The following GMDS variants were observed in gnomAD, a reference collection of about 807,000 sequenced individuals.
GMDS encodes GDP-mannose 4,6 dehydratase.
Under a neutral mutation model 49.9 loss-of-function variants are expected in GMDS, and 20 were observed. The ratio of observed to expected loss-of-function variants is 0.40; its 90% CI spans 0.28 to 0.58. The LOEUF (loss-of-function observed/expected upper bound fraction) is 0.58, where lower values mean the gene tolerates loss of function less well. GMDS is among the 20% of genes least tolerant of loss of function. GMDS has a pLI of 0.42. For synonymous variants in GMDS, 177 were observed against 178.6 expected, an observed-to-expected ratio of 0.99 and a Z score of 0.07; for missense variants, 362 against 481.4, an observed-to-expected ratio of 0.75 and a Z score of 2.32.
At chr6:2,100,979 CTA>C (rs1491338887) in intron 4 of GMDS, among the ~76,000 whole-genome samples, 1 of 151,676 alleles carries the variant, frequency 6.6e-6, no homozygotes, top group African/African-American at 2.4e-5. Flanking sequence ...CTGTTAACTT[CTA>C]TGTTATTATG....
At chr6:2,122,799 G>A (rs1397840682) in intron 2 of GMDS, among the ~76,000 whole-genome samples, 1 of 152,166 alleles carries the variant, frequency 6.6e-6, no homozygotes, top group Non-Finnish European at 1.5e-5. Flanking sequence ...ATGCTTTGTG[G>A]CTGTGTACTT....
intron 4 of GMDS, among the ~76,000 whole-genome samples, chr6:2,100,470 T>C (rs1020084243): frequency 3.9e-5 from 6 of 152,080 alleles, no homozygotes; most frequent in African/African-American, 1.4e-4. Flanking sequence ...TTCAATAAGA[T>C]ACCTCTATAT....
chr6:1,852,844 T>C (rs1757749890), intron 7 of GMDS, among the ~76,000 whole-genome samples: 1 of 151,890 alleles, frequency 6.6e-6, no homozygotes, highest in South Asian at 2.1e-4. Context: ...GTAGCTGGGA[T>C]TTCAGGCATG....
intron 10 of GMDS, 40 bp from the exon 11 acceptor site, chr6:1,624,271 ACT>A (rs1299672222): frequency 6.3e-7 from 1 of 1,581,060 alleles, no homozygotes; most frequent in African/African-American, 1.3e-5. Flanking sequence ...AGCTTCTGCC[ACT>A]CTCTCCTGGT....
chr6:1,800,453 T>C (rs1401677758), intron 7 of GMDS, among the ~76,000 whole-genome samples: 1 of 152,142 alleles, frequency 6.6e-6, no homozygotes, highest in Non-Finnish European at 1.5e-5. Context: ...TTTTCTTTTT[T>C]TGAGATGGAG....
chr6:1,972,170 T>TA (rs1764649105), intron 4 of GMDS, among the ~76,000 whole-genome samples: 2 of 151,942 alleles, frequency 1.3e-5, no homozygotes, highest in East Asian at 1.9e-4. Flanking sequence ...CTTTTTCAAT[T>TA]AAAAAATATA....
At chr6:2,124,876 T>C in intron 1 of GMDS, 145 bp from the exon 2 acceptor site, 1 of 653,102 alleles carries the variant, frequency 1.5e-6, no homozygotes, top group South Asian at 1.8e-5. Flanking sequence ...ACCAATAATG[T>C]CAATAAATAC....
intron 4 of GMDS, among the ~76,000 whole-genome samples, chr6:2,056,323 G>T (rs1247518327): frequency 3.3e-5 from 5 of 152,278 alleles, no homozygotes; most frequent in African/African-American, 1.2e-4. Context: ...AGTAAGGCAG[G>T]ATTCAAAGAC....
chr6:1,925,088 G>C (rs1761928300), intron 7 of GMDS, among the ~76,000 whole-genome samples: 1 of 152,010 alleles, frequency 6.6e-6, no homozygotes, highest in South Asian at 2.1e-4. Flanking sequence ...ACTAATTTTT[G>C]TTCAAAATGC....
chr6:1,967,850 T>C (rs1764357328), intron 4 of GMDS, among the ~76,000 whole-genome samples: 1 of 152,230 alleles, frequency 6.6e-6, no homozygotes, highest in Admixed American at 6.5e-5. Context: ...ATTGTCCACA[T>C]TTATTTGTGA....
intron 9 of GMDS, among the ~76,000 whole-genome samples, chr6:1,690,300 C>T (rs986939391): frequency 2.0e-5 from 3 of 152,114 alleles, no homozygotes; most frequent in South Asian, 2.1e-4. Flanking sequence ...AATCTTTGCC[C>T]GTGCCTATGT....
chr6:1,759,917 C>T (rs1279499535), intron 7 of GMDS, among the ~76,000 whole-genome samples: 1 of 151,596 alleles, frequency 6.6e-6, no homozygotes, highest in African/African-American at 2.4e-5. Flanking sequence ...CCCCCCAACA[C>T]CCTTCGGTTT....
intron 9 of GMDS, among the ~76,000 whole-genome samples, chr6:1,718,450 C>T (rs1347179100): frequency 6.6e-6 from 1 of 152,174 alleles, no homozygotes; most frequent in Non-Finnish European, 1.5e-5. Context: ...GCTCTGTCTT[C>T]TCTTCCACAT....
At chr6:1,941,433 G>A (rs1762819703) in intron 6 of GMDS, among the ~76,000 whole-genome samples, 5 of 152,200 alleles carry the variant, frequency 3.3e-5, no homozygotes, top group Admixed American at 2.0e-4. Flanking sequence ...TATCCTAACA[G>A]TCTGGATAGT....
At chr6:2,122,788 T>C (rs1227773152) in intron 2 of GMDS, among the ~76,000 whole-genome samples, 1 of 152,220 alleles carries the variant, frequency 6.6e-6, no homozygotes, top group Non-Finnish European at 1.5e-5. Context: ...AATTTCTGAT[T>C]ATGCTTTGTG....
rs1554123178 is a variant in GMDS at position 1,819,776 on chromosome 6, A to ATATATAT, written c.772-77191_772-77190insATATATA. ...ACTCTGCCTCAAAAAAAAAAAAAAAAATATATATATATATATATATATCTA... is the reference window on the plus strand; with the variant it reads ...ACTCTGCCTCAAAAAAAAAAAAAAAATATATATATATATATATATATATATATATCTA... On this transcript the variant is annotated intron_variant, in intron 7 of 10. Coordinates refer to ENST00000380815, the MANE Select transcript of GMDS (RefSeq NM_001500.4). Among the ~76,000 whole-genome samples the ATATATAT allele has an allele frequency of 3.9e-5, 4 of 103,518 alleles. No homozygotes were observed. In the East Asian group the frequency reaches 8.1e-4, roughly 21 times the overall value. The allele number at this position is 103,518 out of a possible 152,430, so 67.9% of individuals were successfully genotyped here.
At chr6:1,893,751 G>A (rs575517857) in intron 7 of GMDS, among the ~76,000 whole-genome samples, 6 of 152,314 alleles carry the variant, frequency 3.9e-5, no homozygotes, top group Admixed American at 3.3e-4. Context: ...GTGAAGGGCC[G>A]TTTATTCAGA....
intron 4 of GMDS, among the ~76,000 whole-genome samples, chr6:2,060,487 GCCA>G (rs1771082617): frequency 6.6e-6 from 1 of 152,100 alleles, no homozygotes; most frequent in Non-Finnish European, 1.5e-5. Flanking sequence ...CCTACGATGG[GCCA>G]CCACCATTTG....
intron 1 of GMDS, among the ~76,000 whole-genome samples, chr6:2,141,752 A>C (rs1776298873): frequency 6.6e-6 from 1 of 152,192 alleles, no homozygotes; most frequent in Non-Finnish European, 1.5e-5. Flanking sequence ...ATCTCTGACC[A>C]CAAACGGCCG....
Sources: allele counts gnomAD v4.1 joint callset (sites outside exome capture counted in the v4.1 genomes callset), GRCh38; gene constraint gnomAD v4.1.1; transcripts MANE v1.5; gene names NCBI Gene and HGNC (gene_info 2026-07-23, HGNC 2026-07-21).